Variants in FSTL5 observed in about 807,000 individuals in gnomAD.
FSTL5 encodes the protein follistatin like 5.
Under a neutral mutation model 89.1 loss-of-function variants are expected in FSTL5, and 62 were observed. The ratio of observed to expected loss-of-function variants is 0.70; its 90% CI spans 0.57 to 0.86. The LOEUF is 0.86. Ranked by LOEUF, FSTL5 falls within the 40% of genes least tolerant of loss-of-function variation. The pLI is 0.00. For missense variants in FSTL5, 1,057 were observed against 1,001.6 expected, an observed-to-expected ratio of 1.06 and a Z score of -0.75; for synonymous variants, 383 against 346.2, an observed-to-expected ratio of 1.11 and a Z score of -1.18.
intron 6 of FSTL5, among the ~76,000 whole-genome samples, chr4:161,705,952 G>GTATATATATATA (rs1206067350): frequency 2.0e-4 from 6 of 30,648 alleles, no homozygotes; most frequent in African/African-American, 8.8e-4. Context: ...GTAGATGTGT[G>GTATATATATATA]TATATATATA....
chr4:161,643,200 T>C (rs1736028517), intron 7 of FSTL5, among the ~76,000 whole-genome samples: 1 of 152,198 alleles, frequency 6.6e-6, no homozygotes, highest in South Asian at 2.1e-4. Context: ...TTATTTCTCA[T>C]ATCCAAGCCC....
At chr4:161,699,589 A>T (rs1051961801) in intron 6 of FSTL5, among the ~76,000 whole-genome samples, 3 of 152,234 alleles carry the variant, frequency 2.0e-5, no homozygotes, top group Non-Finnish European at 2.9e-5. Flanking sequence ...AAATTAAACT[A>T]TAAGACACAC....
intron 6 of FSTL5, among the ~76,000 whole-genome samples, chr4:161,699,331 T>C (rs1384654603): frequency 6.6e-6 from 1 of 152,190 alleles, no homozygotes; most frequent in African/African-American, 2.4e-5. Flanking sequence ...ATTTTCACTA[T>C]CAATTATATA....
chr4:161,452,060 T>C (rs1223207403), intron 15 of FSTL5, among the ~76,000 whole-genome samples: 42 of 152,232 alleles, frequency 2.8e-4, no homozygotes, highest in Admixed American at 2.7e-3. Context: ...ACCCTCTGCC[T>C]GGCATGGAAA....
intron 2 of FSTL5, among the ~76,000 whole-genome samples, chr4:162,092,610 T>C (rs1372452524): frequency 2.0e-5 from 3 of 152,038 alleles, no homozygotes; most frequent in African/African-American, 7.2e-5. Context: ...ATAAGTAAGC[T>C]ACATTATCTA....
In FSTL5 at chr4:161,732,544, A is replaced by G. The variant is rs561848478; in HGVS notation, c.727+26867T>C. Among the ~76,000 whole-genome samples, 14 of 152,170 alleles carry G rather than the reference A, an allele frequency of 9.2e-5. No homozygotes were observed. In the South Asian group the frequency reaches 2.9e-3, roughly 32 times the overall value. ...TTGTTGTCTATAGTTAGTAATTTTT[A>G]TATATAATTAAGAATGCTTAGCCAA... On this transcript the variant is annotated intron_variant, in intron 6 of 15. Transcript: ENST00000306100.
chr4:161,953,055 T>C (rs1236827616), intron 3 of FSTL5, among the ~76,000 whole-genome samples: 1 of 151,772 alleles, frequency 6.6e-6, no homozygotes, highest in African/African-American at 2.4e-5. Flanking sequence ...ACATTTATGT[T>C]CCTGAAGGCC....
chr4:161,482,006 G>T (rs1168465036), intron 12 of FSTL5, among the ~76,000 whole-genome samples: 1 of 152,146 alleles, frequency 6.6e-6, no homozygotes. Flanking sequence ...TAATAAGAGA[G>T]ACTGGTTAAA....
At chr4:162,153,725 T>TAC (rs1554003981) in intron 1 of FSTL5, among the ~76,000 whole-genome samples, 97 of 101,280 alleles carry the variant, frequency 9.6e-4, no homozygotes, top group African/African-American at 2.8e-3. Flanking sequence ...TATAATAATA[T>TAC]ATGTATATAT....
intron 2 of FSTL5, among the ~76,000 whole-genome samples, chr4:162,063,280 A>G (rs992287150): frequency 6.6e-6 from 1 of 151,818 alleles, no homozygotes; most frequent in Admixed American, 6.6e-5. Context: ...GTTCAAAAAT[A>G]TACATAGTTT....
intron 11 of FSTL5, among the ~76,000 whole-genome samples, chr4:161,500,373 A>C (rs1730253803): frequency 6.6e-6 from 1 of 152,132 alleles, no homozygotes; most frequent in Admixed American, 6.6e-5. Flanking sequence ...TAATTAAATA[A>C]ATGTTTCATA....
At chr4:161,452,912 A>T (rs1733221967) in intron 15 of FSTL5, among the ~76,000 whole-genome samples, 1 of 152,188 alleles carries the variant, frequency 6.6e-6, no homozygotes, top group South Asian at 2.1e-4. Flanking sequence ...ACTAAAATAA[A>T]TGTGTGCCTT....
intron 13 of FSTL5, among the ~76,000 whole-genome samples, chr4:161,465,805 AT>A (rs1231618595): frequency 5.9e-5 from 9 of 152,244 alleles, no homozygotes; most frequent in Admixed American, 1.3e-4. Flanking sequence ...CATAATAATC[AT>A]TAAAAGAAAA....
intron 4 of FSTL5, among the ~76,000 whole-genome samples, chr4:161,809,794 A>G (rs1730083303): frequency 6.6e-6 from 1 of 152,362 alleles, no homozygotes; most frequent in Non-Finnish European, 1.5e-5. Context: ...ATTCATAAAG[A>G]CAAAGTACAA....
intron 8 of FSTL5, among the ~76,000 whole-genome samples, chr4:161,585,326 G>A (rs1250801790): frequency 6.6e-6 from 1 of 152,124 alleles, no homozygotes; most frequent in Non-Finnish European, 1.5e-5. Context: ...ACTTTACCAC[G>A]CATCACAATT....
chr4:161,971,820 A>G (rs1253597328), intron 3 of FSTL5, among the ~76,000 whole-genome samples: 1 of 152,174 alleles, frequency 6.6e-6, no homozygotes, highest in East Asian at 1.9e-4. Flanking sequence ...GTTAGTAAAT[A>G]CTAACATCTT....
chr4:161,610,509 A>G (rs566161846), intron 7 of FSTL5, among the ~76,000 whole-genome samples: 1 of 152,222 alleles, frequency 6.6e-6, no homozygotes, highest in Admixed American at 6.5e-5. Flanking sequence ...AATTTGAGAA[A>G]CCTGTGGTGA....
At chr4:161,629,367 A>T (rs1735422150) in intron 7 of FSTL5, among the ~76,000 whole-genome samples, 1 of 151,846 alleles carries the variant, frequency 6.6e-6, no homozygotes, top group Admixed American at 6.6e-5. Context: ...TTTGAGACGG[A>T]GTTTTGCTCT....
At chr4:161,472,978 C>T (rs1173985341) in intron 13 of FSTL5, among the ~76,000 whole-genome samples, 1 of 152,160 alleles carries the variant, frequency 6.6e-6, no homozygotes, top group Non-Finnish European at 1.5e-5. Flanking sequence ...CTGCCTTGGC[C>T]TCCCAAAGTG....
Sources: allele counts gnomAD v4.1 joint callset (sites outside exome capture counted in the v4.1 genomes callset), GRCh38; gene constraint gnomAD v4.1.1; transcripts MANE v1.5; gene names NCBI Gene and HGNC (gene_info 2026-07-23, HGNC 2026-07-21).